Variants in NALF1 observed in about 807,000 individuals in gnomAD.
NALF1 encodes the protein family with sequence similarity 155 member A.
A neutral mutation model predicts 48.4 loss-of-function variants in NALF1; 3 were observed. The observed-to-expected ratio is 0.06, with a 90% confidence interval of 0.03 to 0.16. The LOEUF (loss-of-function observed/expected upper bound fraction) is 0.16, where lower values mean the gene tolerates loss of function less well. Among genes scored for constraint, NALF1 ranks in the 10% least tolerant of loss-of-function variants. The pLI, the probability that NALF1 is intolerant of heterozygous loss-of-function variation, is 1.00. For synonymous variants in NALF1, 262 were observed against 245.7 expected, an observed-to-expected ratio of 1.07 and a Z score of -0.62; for missense variants, 526 against 571.5, an observed-to-expected ratio of 0.92 and a Z score of 0.81.
chr13:107,245,353 GT>G (rs977643046), intron 1 of NALF1, among the ~76,000 whole-genome samples: 1 of 152,068 alleles, frequency 6.6e-6, no homozygotes, highest in Non-Finnish European at 1.5e-5. Flanking sequence ...AGAATAAAGT[GT>G]TTTTTTAAAT....
chr13:107,311,226 G>C (rs1186437028), intron 1 of NALF1, among the ~76,000 whole-genome samples: 1 of 152,080 alleles, frequency 6.6e-6, no homozygotes, highest in Non-Finnish European at 1.5e-5. Context: ...AACAGTAAAG[G>C]ATGTCTTGTA....
intron 1 of NALF1, among the ~76,000 whole-genome samples, chr13:107,656,058 T>G (rs970205373): frequency 6.6e-6 from 1 of 151,818 alleles, no homozygotes; most frequent in African/African-American, 2.4e-5. Context: ...ATAAAGATTC[T>G]AGAAGGTAAC....
In NALF1 at chr13:107,857,432, C is replaced by A. The variant is rs117858816; in HGVS notation, c.915+8250G>T. Among the ~76,000 whole-genome samples the A allele has an allele frequency of 1.3e-3, 204 of 152,258 alleles. 5 individuals are homozygous for A. In the East Asian group the frequency reaches 0.035, roughly 26 times the overall value. On this transcript the variant is annotated intron_variant, in intron 1 of 2. Coordinates refer to ENST00000375915, the MANE Select transcript of NALF1 (RefSeq NM_001080396.3). ...GCCTGACAGACGACATAACACAAAA[C>A]GTTTCCCAAGACCATTTCTACCCAC...
chr13:107,252,471 GAGAA>G (rs1032847370), intron 1 of NALF1, among the ~76,000 whole-genome samples: 1 of 151,352 alleles, frequency 6.6e-6, no homozygotes, highest in Non-Finnish European at 1.5e-5. Flanking sequence ...AGGAGAAAGA[GAGAA>G]AGAGAGAGAG....
intron 1 of NALF1, among the ~76,000 whole-genome samples, chr13:107,481,577 A>G (rs1161102700): frequency 6.6e-6 from 1 of 152,186 alleles, no homozygotes; most frequent in African/African-American, 2.4e-5. Context: ...CGATCTATTA[A>G]TCACCTACTT....
chr13:107,741,007 T>C (rs1876618003), intron 1 of NALF1, among the ~76,000 whole-genome samples: 2 of 152,252 alleles, frequency 1.3e-5, no homozygotes, highest in Non-Finnish European at 2.9e-5. Context: ...TATTCATTTA[T>C]TCAATACACA....
intron 1 of NALF1, among the ~76,000 whole-genome samples, chr13:107,471,977 C>T (rs1361960438): frequency 3.3e-5 from 5 of 152,126 alleles, no homozygotes; most frequent in Admixed American, 3.3e-4. Context: ...GTGAACTTAC[C>T]AACAGTACTT....
chr13:107,552,804 G>A (rs1019889909), intron 1 of NALF1, among the ~76,000 whole-genome samples: 2 of 152,052 alleles, frequency 1.3e-5, no homozygotes, highest in African/African-American at 4.8e-5. Context: ...CTTAGAATAT[G>A]GTTGACAGAA....
intron 1 of NALF1, among the ~76,000 whole-genome samples, chr13:107,738,421 G>T (rs944813070): frequency 6.6e-6 from 1 of 152,092 alleles, no homozygotes; most frequent in African/African-American, 2.4e-5. Context: ...CCAATCTTAA[G>T]CCTGGACTTC....
chr13:107,243,923 T>G (rs2138837484), intron 1 of NALF1, among the ~76,000 whole-genome samples: 1 of 152,236 alleles, frequency 6.6e-6, no homozygotes, highest in African/African-American at 2.4e-5. Context: ...GGCTTCCACC[T>G]CCTACCCTAA....
intron 1 of NALF1, among the ~76,000 whole-genome samples, chr13:107,303,791 C>G (rs1157421103): frequency 6.6e-6 from 1 of 152,092 alleles, no homozygotes; most frequent in African/African-American, 2.4e-5. Flanking sequence ...CTCAAAAATA[C>G]AGTAGATACT....
intron 1 of NALF1, among the ~76,000 whole-genome samples, chr13:107,398,773 T>C (rs1164960915): frequency 3.9e-5 from 6 of 152,150 alleles, no homozygotes; most frequent in African/African-American, 7.2e-5. Context: ...AATGAAAGAA[T>C]GAATTGATGG....
chr13:107,536,217 A>C (rs544031405), intron 1 of NALF1, among the ~76,000 whole-genome samples: 2 of 152,210 alleles, frequency 1.3e-5, no homozygotes, highest in Admixed American at 6.5e-5. Context: ...AAAAGCCAAA[A>C]TTGACAAATG....
At chr13:107,831,995 C>G (rs952662525) in intron 1 of NALF1, among the ~76,000 whole-genome samples, 1 of 152,136 alleles carries the variant, frequency 6.6e-6, no homozygotes, top group Non-Finnish European at 1.5e-5. Flanking sequence ...TTGTGGACAT[C>G]ATTAAAATAA....
intron 1 of NALF1, among the ~76,000 whole-genome samples, chr13:107,254,059 T>TAAAAAAAAA (rs1466572812): frequency 3.1e-5 from 4 of 127,020 alleles, no homozygotes; most frequent in African/African-American, 9.6e-5. Flanking sequence ...GAGCAAGTAC[T>TAAAAAAAAA]AAAATATATA....
At chr13:107,194,028 CTATCTATCT>C (rs893515397) in intron 2 of NALF1, among the ~76,000 whole-genome samples, 4 of 130,868 alleles carry the variant, frequency 3.1e-5, no homozygotes, top group Non-Finnish European at 6.4e-5. Flanking sequence ...ATCTATCTAT[CTATCTATCT>C]ATCTATCTAT....
chr13:107,832,497 A>G (rs977048255), intron 1 of NALF1, among the ~76,000 whole-genome samples: 3 of 152,096 alleles, frequency 2.0e-5, no homozygotes, highest in Non-Finnish European at 2.9e-5. Context: ...TGGATCCCAC[A>G]AGCACCTCAA....
At chr13:107,335,152 C>T (rs945646186) in intron 1 of NALF1, among the ~76,000 whole-genome samples, 2 of 152,138 alleles carry the variant, frequency 1.3e-5, no homozygotes, top group African/African-American at 4.8e-5. Context: ...TGCTTGCACA[C>T]AAGCTCTAGA....
chr13:107,327,152 C>T (rs1358259072), intron 1 of NALF1, among the ~76,000 whole-genome samples: 2 of 152,180 alleles, frequency 1.3e-5, no homozygotes, highest in Non-Finnish European at 2.9e-5. Flanking sequence ...TATAGTTCTT[C>T]TTGCCTGCAA....
Sources: allele counts gnomAD v4.1 joint callset (sites outside exome capture counted in the v4.1 genomes callset), GRCh38; gene constraint gnomAD v4.1.1; transcripts MANE v1.5; gene names NCBI Gene and HGNC (gene_info 2026-07-23, HGNC 2026-07-21).